DCC: variants seen among roughly 807,000 people sequenced by gnomAD.
DCC encodes netrin receptor DCC.
A neutral mutation model predicts 172.5 loss-of-function variants in DCC; 58 were observed. The ratio of observed to expected loss-of-function variants is 0.34; its 90% confidence interval spans 0.27 to 0.42. The LOEUF (loss-of-function observed/expected upper bound fraction) is 0.42. Among genes scored for constraint, DCC ranks in the 10% least tolerant of loss-of-function variants. The pLI is 1.00. For missense variants in DCC, 1,740 were observed against 1,791.0 expected (o/e 0.97, Z 0.51); for synonymous variants, 709 against 644.5 (o/e 1.10, Z -1.52).
At chr18:53,190,870 T>C (rs1276097402) in intron 9 of DCC, among the ~76,000 whole-genome samples, 1 of 152,072 alleles carries the variant, frequency 6.6e-6, no homozygotes. Context: ...GGCGTGAACC[T>C]GGGAGGCGGA....
chr18:52,421,428 C>T (rs888166076), intron 1 of DCC, among the ~76,000 whole-genome samples: 1 of 152,086 alleles, frequency 6.6e-6, no homozygotes. Flanking sequence ...CTTTAGAAGT[C>T]CCTTATTCAA....
intron 5 of DCC, among the ~76,000 whole-genome samples, chr18:52,929,940 ATCTT>A (rs1423297390): frequency 6.6e-6 from 1 of 151,592 alleles, no homozygotes; most frequent in Non-Finnish European, 1.5e-5. Flanking sequence ...AAATCATGGC[ATCTT>A]TCTTTGTGTG....
At chr18:53,114,316 G>T (rs2043379272) in intron 7 of DCC, among the ~76,000 whole-genome samples, 1 of 151,138 alleles carries the variant, frequency 6.6e-6, no homozygotes. Context: ...AAATAGTTAG[G>T]TTTTGTTTCT....
intron 8 of DCC, among the ~76,000 whole-genome samples, chr18:53,175,209 C>T (rs987613897): frequency 1.3e-5 from 2 of 152,126 alleles, no homozygotes; most frequent in African/African-American, 4.8e-5. Context: ...GACAAACCCA[C>T]AGCCAATATC....
chr18:52,479,382 T>G (rs1292263734), intron 1 of DCC, among the ~76,000 whole-genome samples: 1 of 152,218 alleles, frequency 6.6e-6, no homozygotes, highest in African/African-American at 2.4e-5. Flanking sequence ...GGAAACATTT[T>G]GTTCATATTC....
Position 53,459,285 on chromosome 18 carries a change from G to T in DCC, c.3446G>T (p.Arg1149Leu), listed in dbSNP as rs777902051. Residue 1149 changes from arginine (R) to leucine (L), a missense_variant, in exon 24 of 29, where the codon CGA becomes CTA. Arg to Leu is a moderately radical substitution (Grantham distance 102). This residue lies in a region of DCC where 1,732 missense variants were observed against 1,767.4 expected (regional missense o/e 0.98). Coordinates refer to ENST00000442544, the MANE Select transcript of DCC (RefSeq NM_005215.4). ...AGGAAGGGCAGCCAGAAGGACCTCC[G>T]ACCCCCTGATCTTTGGATCCATCAT... ...GKRKGSQKDL[R>L]PPDLWIHHEE... The T allele has an allele frequency of 6.2e-7, 1 of 1,613,920 alleles. No homozygotes were observed. Among genetic ancestry groups the T allele is most frequent in the Non-Finnish European group, 8.5e-7 (1 of 1,180,006 alleles).
chr18:53,128,279 T>C (rs914596695), intron 7 of DCC, among the ~76,000 whole-genome samples: 1 of 152,152 alleles, frequency 6.6e-6, no homozygotes, highest in Non-Finnish European at 1.5e-5. Context: ...TATTTGTCTC[T>C]AAGTTTTTAT....
chr18:53,340,068 A>AGG (rs1491020971), intron 15 of DCC, among the ~76,000 whole-genome samples, 161 bp downstream of exon 15: 3 of 125,690 alleles, frequency 2.4e-5, no homozygotes, highest in Non-Finnish European at 5.5e-5. Flanking sequence ...ACACACACAC[A>AGG]CACACACATA....
intron 1 of DCC, among the ~76,000 whole-genome samples, chr18:52,647,912 T>C (rs181242359): frequency 7.2e-5 from 11 of 152,230 alleles, no homozygotes; most frequent in Admixed American, 7.2e-4. Context: ...TAAGAGCTAA[T>C]AAATACAAGA....
rs538459371 is a variant in DCC at position 52,974,644 on chromosome 18, C to T, written c.985+49274C>T. Among the ~76,000 whole-genome samples the T allele has an allele frequency of 1.3e-4, 20 of 152,278 alleles. No individual in the cohort carries two copies. In the East Asian group the frequency reaches 2.9e-3, roughly 22 times the overall value. ...ATAGTAACAGTGTTTTCTGAGCCCA[C>T]GTTGTAAGGAGAATCTAAATGATCC... is the stretch of plus-strand genomic sequence containing the variant. On this transcript the variant is annotated intron_variant, in intron 5 of 28. Coordinates refer to ENST00000442544, the MANE Select transcript of DCC (RefSeq NM_005215.4).
At chr18:52,769,577 T>G (rs1007028915) in intron 2 of DCC, among the ~76,000 whole-genome samples, 1 of 152,202 alleles carries the variant, frequency 6.6e-6, no homozygotes, top group Non-Finnish European at 1.5e-5. Context: ...TTAATTTTAA[T>G]GCAATTCAGT....
chr18:53,096,901 G>A (rs918609661), intron 7 of DCC, among the ~76,000 whole-genome samples: 3 of 152,226 alleles, frequency 2.0e-5, no homozygotes, highest in African/African-American at 7.2e-5. Flanking sequence ...AATATTTAGA[G>A]TGGTACATTT....
chr18:53,326,904 A>G (rs897660336), intron 14 of DCC, among the ~76,000 whole-genome samples: 4 of 152,212 alleles, frequency 2.6e-5, no homozygotes, highest in Non-Finnish European at 4.4e-5. Flanking sequence ...TAACTGCATC[A>G]TTAGGCCTCT....
chr18:52,778,938 C>A (rs551658969), intron 2 of DCC, among the ~76,000 whole-genome samples: 1 of 152,278 alleles, frequency 6.6e-6, no homozygotes, highest in South Asian at 2.1e-4. Context: ...TTTCCCACTG[C>A]TTTCCAGTGA....
chr18:53,242,874 GT>G (rs1380676659), intron 12 of DCC, among the ~76,000 whole-genome samples: 10 of 38,796 alleles, frequency 2.6e-4, no homozygotes, highest in Non-Finnish European at 5.4e-4. Context: ...ACAAGTAGGT[GT>G]GTGTGTGTGT....
intron 1 of DCC, among the ~76,000 whole-genome samples, chr18:52,595,312 G>A (rs1271065465): frequency 6.6e-6 from 1 of 152,052 alleles, no homozygotes; most frequent in East Asian, 1.9e-4. Context: ...CATTTCTGAT[G>A]TTCTCTGGAA....
chr18:53,169,722 T>C (rs1037022410), intron 8 of DCC, among the ~76,000 whole-genome samples: 13 of 151,682 alleles, frequency 8.6e-5, no homozygotes, highest in African/African-American at 2.9e-4. Context: ...TCCACAGGAG[T>C]TGTTAACGCA....
intron 24 of DCC, among the ~76,000 whole-genome samples, chr18:53,462,432 T>C (rs998665385): frequency 6.6e-6 from 1 of 151,660 alleles, no homozygotes; most frequent in African/African-American, 2.4e-5. Context: ...ACGCTCCTTA[T>C]AAGAATCTAA....
chr18:52,779,519 T>C (rs2037494336), intron 2 of DCC, among the ~76,000 whole-genome samples: 1 of 152,208 alleles, frequency 6.6e-6, no homozygotes, highest in Non-Finnish European at 1.5e-5. Context: ...TTCCATGGTA[T>C]ATATGTGTTG....
Sources: allele counts gnomAD v4.1 joint callset (sites outside exome capture counted in the v4.1 genomes callset), GRCh38; gene constraint gnomAD v4.1.1; regional missense constraint gnomAD v4.1.1; transcripts MANE v1.5; gene names NCBI Gene and HGNC (gene_info 2026-07-23, HGNC 2026-07-21).